FAM177B: variants seen among roughly 807,000 people sequenced by gnomAD.
FAM177B encodes the protein family with sequence similarity 177 member B, also known as protein FAM177B.
In FAM177B, 16 loss-of-function variants were observed where a neutral mutation model predicts 16.1. The observed-to-expected ratio is 0.99, with a 90% CI of 0.67 to 1.51. The LOEUF (loss-of-function observed/expected upper bound fraction) is 1.51. Ranked by LOEUF, FAM177B falls within the 40% of genes most tolerant of loss-of-function variation. FAM177B has a pLI of 0.00. For synonymous variants in FAM177B, 56 were observed against 59.9 expected (o/e 0.93, Z 0.30); for missense variants, 178 against 183.7 (o/e 0.97, Z 0.18).
chr1:222,741,298 A>G (rs1658522263), intron 2 of FAM177B, among the ~76,000 whole-genome samples: 1 of 151,778 alleles, frequency 6.6e-6, no homozygotes, highest in Non-Finnish European at 1.5e-5. Context: ...TCCTGGCCTC[A>G]AGTGATCCAC....
rs889149574 is a variant in FAM177B at position 222,750,460 on chromosome 1, T to C, written c.*402T>C. 1.2e-4 allele frequency: 123 copies of C among 995,174 alleles called. No individual in the cohort carries two copies. The highest frequency in any genetic ancestry group is 1.4e-4 in the Non-Finnish European group (115 of 836,902). The allele number at this position is 995,174 out of a possible 1,614,324, so 61.6% of individuals were successfully genotyped here. Reference sequence around the variant, plus strand: ...GAAGCTCTATTCCTCAGAAGAAAATTTGGGCACCGCAAAGTCTAAATAAAT... The same window carrying C: ...GAAGCTCTATTCCTCAGAAGAAAATCTGGGCACCGCAAAGTCTAAATAAAT... On this transcript the variant is annotated 3_prime_UTR_variant, in exon 6 of 6. Coordinates refer to ENST00000445590, the MANE Select transcript of FAM177B (RefSeq NM_001394345.1).
rs1335700768 is a variant in FAM177B, at chr1:222,747,096, G to A, written c.241+15G>A. 6.3e-7 allele frequency: 1 copy of A among 1,576,976 alleles called. No homozygotes were observed. Among genetic ancestry groups the A allele is most frequent in the Admixed American group, 1.7e-5 (1 of 59,958 alleles). On this transcript the variant is annotated intron_variant, in intron 4 of 5. Coordinates refer to ENST00000445590, the MANE Select transcript of FAM177B (RefSeq NM_001394345.1). ...CTCATTTTCTAGTAAGTACTGCTAA[G>A]GTTATTTTTTTCTATCCTAAACAAA...
rs78817191 is a variant in FAM177B, at chr1:222,737,327, G to A, written c.-134+5G>A. The stretch of plus-strand genomic sequence containing the variant: ...AATATGGAGTGTTCAGTGTTGGTAA[G>A]TGCTAAGGAGAAAAAATGAAACAGG... On this transcript the variant is annotated splice_donor_5th_base_variant and intron_variant, in intron 1 of 5. Coordinates refer to ENST00000445590, the MANE Select transcript of FAM177B (RefSeq NM_001394345.1). 0.021 allele frequency: 3,164 copies of A among 152,646 alleles called. 103 individuals are homozygous for A. Among genetic ancestry groups the A allele is most frequent in the African/African-American group, 0.072 (3,007 of 41,582 alleles). 9.5% of individuals were successfully genotyped at this position (152,646 alleles called of 1,614,324 possible).
Position 222,741,220 on chromosome 1 carries a change from G to A in FAM177B, c.-16+3199G>A, listed in dbSNP as rs186397689. Among the ~76,000 whole-genome samples the A allele has an allele frequency of 2.8e-4, 43 of 151,664 alleles. 1 individual carries two copies. In the East Asian group the frequency reaches 3.9e-3, roughly 14 times the overall value. ...ACTACAGGCACATGCCACCAAGTCC[G>A]GCTAATTTTTTTGTATTTTTTTTAG... is the stretch of plus-strand genomic sequence containing the variant. On this transcript the variant is annotated intron_variant, in intron 2 of 5. Coordinates refer to ENST00000445590, the MANE Select transcript of FAM177B (RefSeq NM_001394345.1).
chr1:222,740,269 A>G (rs1658463255), intron 2 of FAM177B, among the ~76,000 whole-genome samples: 3 of 152,216 alleles, frequency 2.0e-5, no homozygotes, highest in African/African-American at 7.2e-5. Flanking sequence ...ATATGTGTGT[A>G]TATTCAATCA....
In FAM177B at chr1:222,746,587, T is replaced by C; in HGVS notation, c.42T>C (p.Ser14=). The C allele has an allele frequency of 6.2e-7, 1 of 1,611,144 alleles. No individual in the cohort carries two copies. Among genetic ancestry groups the C allele is most frequent in the Non-Finnish European group, 8.5e-7 (1 of 1,177,476 alleles). The change falls in exon 3 of 6, where the codon AGT becomes AGC. Residue 14 remains serine, a synonymous_variant. Transcript: ENST00000445590. The part of the protein sequence containing the change: ...DGFQQLDLEK[S]VPSKKTTPKR... Reference sequence around the variant, plus strand: ...TCCAGCAGTTAGACCTAGAGAAGAGTGTACCTTCCAAAAAGACTACTCCTA... The same window carrying C: ...TCCAGCAGTTAGACCTAGAGAAGAGCGTACCTTCCAAAAAGACTACTCCTA...
intron 2 of FAM177B, among the ~76,000 whole-genome samples, chr1:222,738,265 A>T (rs1018048365): frequency 2.6e-5 from 4 of 152,160 alleles, no homozygotes; most frequent in Non-Finnish European, 5.9e-5. Context: ...AAGAAAGCAG[A>T]TAGGAAAGAG....
In FAM177B at chr1:222,747,064, C is replaced by T; in HGVS notation, c.224C>T (p.Ala75Val). 6.2e-7 allele frequency: 1 copy of T among 1,610,720 alleles called. No individual in the cohort carries two copies. Among genetic ancestry groups the T allele is most frequent in the Non-Finnish European group, 8.5e-7 (1 of 1,176,934 alleles). ...PYLRFWAGRI[A>V]STSFSTCEFL... ...CTACGATTTTGGGCAGGACGAATAGCAAGCACCTCATTTTCTAGTAAGTAC... is the reference window on the plus strand; with the variant it reads ...CTACGATTTTGGGCAGGACGAATAGTAAGCACCTCATTTTCTAGTAAGTAC... The change falls in exon 4 of 6, where the codon GCA becomes GTA. Residue 75 changes from alanine (A) to valine (V), a missense_variant. Coordinates refer to ENST00000445590, the MANE Select transcript of FAM177B (RefSeq NM_001394345.1).
rs932803435 is a variant in FAM177B, at chr1:222,747,901, G to A, written c.241+820G>A. 5.9e-5 allele frequency among the ~76,000 whole-genome samples: 9 copies of A among 152,284 alleles called. No individual in the cohort carries two copies. In the East Asian group the frequency reaches 1.2e-3, roughly 20 times the overall value. On this transcript the variant is annotated intron_variant, in intron 4 of 5. Transcript: ENST00000445590. ...GTCATATAGACCAGCAAACATGCTC[G>A]TAATTATAATTTGTTGTCACAGTTG...
intron 5 of FAM177B, 125 bp downstream of exon 5, chr1:222,749,687 A>G (rs1558251364): frequency 1.4e-6 from 1 of 734,912 alleles, no homozygotes; most frequent in Non-Finnish European, 2.3e-6. Flanking sequence ...CCAAGCTCCC[A>G]TAGTCAGACT....
intron 4 of FAM177B, among the ~76,000 whole-genome samples, chr1:222,747,936 A>G (rs1335987539): frequency 1.3e-5 from 2 of 152,182 alleles, no homozygotes; most frequent in African/African-American, 4.8e-5. Flanking sequence ...GCCAGGGTAG[A>G]AAGTGTATAG....
At chr1:222,739,656 A>G (rs1475907088) in intron 2 of FAM177B, 1 of 152,228 alleles carries the variant, frequency 6.6e-6, no homozygotes, top group Non-Finnish European at 1.5e-5. Flanking sequence ...TCCACCCTGT[A>G]AGACACGCAA....
chr1:222,750,746 A>C lies in FAM177B; in HGVS notation c.*688A>C. On this transcript the variant is annotated 3_prime_UTR_variant, in exon 6 of 6. Transcript: ENST00000445590. ...AAGATCGAACATGGAAATCATTGTT[A>C]GATAACACAGGGTGTGCTGGCCAAA... 3.8e-6 allele frequency: 1 copy of C among 265,546 alleles called. No homozygotes were observed. The highest frequency in any genetic ancestry group is 5.8e-6 in the Non-Finnish European group (1 of 171,920). 16.4% of individuals were successfully genotyped at this position (265,546 alleles called of 1,614,324 possible).
intron 2 of FAM177B, among the ~76,000 whole-genome samples, chr1:222,744,509 G>A (rs959466730): frequency 4.0e-5 from 6 of 150,106 alleles, no homozygotes; most frequent in South Asian, 4.2e-4. Flanking sequence ...ACATGTGTAC[G>A]TATCCTTACA....
At chr1:222,749,723 C>T (rs1658970393) in intron 5 of FAM177B, among the ~76,000 whole-genome samples, 161 bp downstream of exon 5, 2 of 152,128 alleles carry the variant, frequency 1.3e-5, no homozygotes, top group Non-Finnish European at 2.9e-5. Flanking sequence ...TTCTGTTCAC[C>T]CAGGGACACT....
rs569028983 is a variant in FAM177B, at chr1:222,742,852, C to T, written c.-15-3679C>T. ...GTTCTTTTCCAAGTCAGTCTTCTTT[C>T]GGGATATTGTATTTTGCTTCTTTTA... On this transcript the variant is annotated intron_variant, in intron 2 of 5. Coordinates refer to ENST00000445590, the MANE Select transcript of FAM177B (RefSeq NM_001394345.1). Among the ~76,000 whole-genome samples, 4 of 152,040 alleles carry T rather than the reference C, an allele frequency of 2.6e-5. No individual in the cohort carries two copies. The East Asian group carries it at 5.8e-4, about 22-fold the overall frequency.
chr1:222,745,553 G>A (rs566141582), intron 2 of FAM177B, among the ~76,000 whole-genome samples: 19 of 152,310 alleles, frequency 1.2e-4, no homozygotes, highest in Non-Finnish European at 2.1e-4. Context: ...GGAGGTAAGG[G>A]CTGCAGTGAG....
intron 2 of FAM177B, among the ~76,000 whole-genome samples, chr1:222,743,378 G>A (rs1199176766): frequency 2.0e-5 from 3 of 151,836 alleles, no homozygotes; most frequent in African/African-American, 7.3e-5. Flanking sequence ...GGCTGGTCTG[G>A]AACTCCTGAC....
At chr1:222,747,478 G>A (rs1452352434) in intron 4 of FAM177B, 1 of 165,870 alleles carries the variant, frequency 6.0e-6, no homozygotes, top group Non-Finnish European at 1.3e-5. Context: ...GTATGACACA[G>A]TTCTAAGTTT....
Sources: gnomAD v4.1 joint callset for allele counts (sites outside exome capture counted in the v4.1 genomes callset) on GRCh38, gnomAD v4.1.1 for gene constraint, MANE v1.5 for transcripts, NCBI Gene and HGNC (gene_info 2026-07-23, HGNC 2026-07-21) for gene names.